Variants in RAI2 observed in about 807,000 individuals in gnomAD.
RAI2 encodes retinoic acid induced 2, also known as retinoic acid-induced protein 2.
RAI2 carries 5 observed loss-of-function variants against 15.3 expected under a neutral mutation model. The observed-to-expected ratio is 0.33, with a 90% CI of 0.17 to 0.69. The LOEUF (loss-of-function observed/expected upper bound fraction) is 0.69. Among genes scored for constraint, RAI2 ranks in the 30% least tolerant of loss-of-function variants. RAI2 has a pLI of 0.69. For synonymous variants in RAI2, 191 were observed against 184.0 expected (o/e 1.04, Z -0.31); for missense variants, 424 against 424.7 (o/e 1.00, Z 0.01).
intron 1 of RAI2, among the ~76,000 whole-genome samples, chrX:17,851,156 G>C (rs34182089): frequency 0.15 from 16,617 of 111,781 alleles, 2,152 homozygotes; most frequent in African/African-American, 0.41. Context: ...TGGCTGTGTC[G>C]AACATGGAAG....
At chrX:17,843,956 T>C (rs770108473) in intron 1 of RAI2, among the ~76,000 whole-genome samples, 2 of 112,582 alleles carry the variant, frequency 1.8e-5, no homozygotes, top group South Asian at 7.4e-4. Flanking sequence ...TTAAAACTTA[T>C]TTCTTTTCCA....
chrX:17,824,374 C>T (rs955160431), intron 1 of RAI2, among the ~76,000 whole-genome samples: 8 of 112,051 alleles, frequency 7.1e-5, no homozygotes, highest in African/African-American at 2.3e-4. Flanking sequence ...CACGGGGAGG[C>T]GAGAGAGGGG....
chrX:17,807,377 G>A (rs1010249606), intron 1 of RAI2, among the ~76,000 whole-genome samples: 1 of 111,824 alleles, frequency 8.9e-6, no homozygotes, highest in African/African-American at 3.3e-5. Flanking sequence ...TAGGTGCTGA[G>A]GAAATATCTT....
rs200059265 is a variant in RAI2 at position 17,800,991 on chromosome X, A to G, written c.1020T>C (p.Asp340=). ...CTGCCACTGACAGGTCTAGGGCTGCATCTTCCTGGAAGATTGGGGGACTGA... is the reference window on the plus strand; with the variant it reads ...CTGCCACTGACAGGTCTAGGGCTGCGTCTTCCTGGAAGATTGGGGGACTGA... ...GEVSPPIFQE[D]AALDLSVAAH... Residue 340 remains aspartate, a synonymous_variant, in exon 2 of 2, where the codon GAT becomes GAC. Transcript: ENST00000451717. The G allele has an allele frequency of 1.7e-5, 20 of 1,209,637 alleles. No homozygotes were observed. The East Asian group carries it at 5.6e-4, about 34-fold the overall frequency.
At chrX:17,840,738 A>T (rs2067387259) in intron 1 of RAI2, among the ~76,000 whole-genome samples, 1 of 111,545 alleles carries the variant, frequency 9.0e-6, no homozygotes, top group African/African-American at 3.3e-5. Context: ...TTGGGACTTC[A>T]CTCCATCCCA....
At chrX:17,856,831 T>C (rs1202291084) in intron 1 of RAI2, among the ~76,000 whole-genome samples, 1 of 111,815 alleles carries the variant, frequency 8.9e-6, no homozygotes, top group Non-Finnish European at 1.9e-5. Flanking sequence ...AGAAACGTGA[T>C]CAAATTATGT....
At chrX:17,807,336 G>GGATA (rs1277364370) in intron 1 of RAI2, among the ~76,000 whole-genome samples, 1 of 111,766 alleles carries the variant, frequency 8.9e-6, no homozygotes, top group Admixed American at 9.5e-5. Flanking sequence ...CAGGAGCAGG[G>GGATA]GATAGTCTCC....
Position 17,800,911 on chromosome X carries a change from A to G in RAI2, c.1100T>C (p.Val367Ala), listed in dbSNP as rs1199460027. The G allele has an allele frequency of 8.3e-7, 1 of 1,208,810 alleles. No homozygotes were observed. Among genetic ancestry groups the G allele is most frequent in the African/African-American group, 1.8e-5 (1 of 56,771 alleles). ...PETLYDSGAS[V>A]DSSGHTVMEK... ...CATCACTGTGTGACCTGAGCTGTCC[A>G]CTGATGCACCACTGTCATACAGTGT... is the stretch of plus-strand genomic sequence containing the variant. Residue 367 changes from valine (V) to alanine (A), a missense_variant, in exon 2 of 2, where the codon GTG becomes GCG. By Grantham distance (64) the Val-to-Ala change is moderately conservative. Transcript: ENST00000451717.
chrX:17,808,080 AT>A (rs944525806), intron 1 of RAI2, among the ~76,000 whole-genome samples: 1 of 109,654 alleles, frequency 9.1e-6, no homozygotes, highest in Non-Finnish European at 1.9e-5. Flanking sequence ...ACATTATGAG[AT>A]TTTTTTTGCA....
intron 1 of RAI2, among the ~76,000 whole-genome samples, chrX:17,850,183 G>A (rs2067511558): frequency 8.9e-6 from 1 of 112,424 alleles, no homozygotes; most frequent in African/African-American, 3.2e-5. Context: ...GCCACTGAAT[G>A]TTCTTGAGCT....
intron 1 of RAI2, among the ~76,000 whole-genome samples, chrX:17,836,775 G>A (rs1310679367): frequency 2.7e-5 from 3 of 112,391 alleles, no homozygotes; most frequent in Non-Finnish European, 5.6e-5. Flanking sequence ...TCCTTGGGGA[G>A]GAGCATGGTT....
intron 1 of RAI2, among the ~76,000 whole-genome samples, chrX:17,844,748 T>C: frequency 8.9e-6 from 1 of 112,463 alleles, no homozygotes; most frequent in East Asian, 2.8e-4. Context: ...TAGTGGCTAT[T>C]GTTGGTGAGG....
intron 1 of RAI2, among the ~76,000 whole-genome samples, chrX:17,819,926 C>T (rs1038050115): frequency 1.8e-5 from 2 of 112,175 alleles, no homozygotes; most frequent in Non-Finnish European, 3.8e-5. Context: ...AAAATGTATC[C>T]ATCTGACCAC....
At chrX:17,856,354 C>T (rs766827639) in intron 1 of RAI2, among the ~76,000 whole-genome samples, 8 of 111,416 alleles carry the variant, frequency 7.2e-5, no homozygotes, top group Non-Finnish European at 1.3e-4. Flanking sequence ...GTGATTAGGT[C>T]GTGAGAGTGG....
chrX:17,801,601 G>C lies in RAI2; in HGVS notation c.410C>G (p.Pro137Arg). 2 of 1,210,874 alleles carry C rather than the reference G, an allele frequency of 1.7e-6. No individual in the cohort carries two copies. Among genetic ancestry groups the C allele is most frequent in the Non-Finnish European group, 2.2e-6 (2 of 895,018 alleles). The stretch of plus-strand genomic sequence containing the variant: ...TGGGGCCTCCTGCGGCAGGACCAGA[G>C]GGGAGTTGAGGTGCTGAAAGACGTG... Reference protein sequence around the residue: ...EQHVFQHLNSPLVLPQEAPCS... With the variant: ...EQHVFQHLNSRLVLPQEAPCS... Residue 137 changes from proline (P) to arginine (R), a missense_variant, in exon 2 of 2, where the codon CCT becomes CGT. Pro to Arg is a moderately radical substitution (Grantham distance 103). Coordinates refer to ENST00000451717, the MANE Select transcript of RAI2 (RefSeq NM_021785.6).
At chrX:17,822,848 T>C (rs1249336968) in intron 1 of RAI2, among the ~76,000 whole-genome samples, 1 of 112,365 alleles carries the variant, frequency 8.9e-6, no homozygotes, top group East Asian at 2.8e-4. Flanking sequence ...CTTGGTCCAA[T>C]GGATGCAACG....
At chrX:17,854,060 C>T (rs2067568271) in intron 1 of RAI2, among the ~76,000 whole-genome samples, 1 of 112,081 alleles carries the variant, frequency 8.9e-6, no homozygotes, top group Non-Finnish European at 1.9e-5. Flanking sequence ...AAAAAACAAA[C>T]AGGCAGACAA....
At chrX:17,802,059 A>C (rs1188174438) in intron 1 of RAI2, 25 bp from the exon 2 acceptor site, 1 of 1,145,873 alleles carries the variant, frequency 8.7e-7, no homozygotes, top group East Asian at 3.0e-5. Flanking sequence ...ATACAATATG[A>C]ATCTTCCTTA....
intron 1 of RAI2, among the ~76,000 whole-genome samples, chrX:17,857,729 C>T (rs1186088861): frequency 9.0e-6 from 1 of 111,617 alleles, no homozygotes; most frequent in Admixed American, 9.5e-5. Flanking sequence ...ACAGCCCCCT[C>T]CCCACTGCCA....
Sources: gnomAD v4.1 joint callset for allele counts (sites outside exome capture counted in the v4.1 genomes callset) on GRCh38, gnomAD v4.1.1 for gene constraint, MANE v1.5 for transcripts, NCBI Gene and HGNC (gene_info 2026-07-23, HGNC 2026-07-21) for gene names.